Variants in TSGA10 observed in about 807,000 individuals in gnomAD.
TSGA10 encodes testis-specific gene 10 protein.
Under a neutral mutation model 96.6 loss-of-function variants are expected in TSGA10, and 43 were observed. The ratio of observed to expected loss-of-function variants is 0.44; its 90% CI spans 0.35 to 0.57. The LOEUF is 0.57. Among genes scored for constraint, TSGA10 ranks in the 20% least tolerant of loss-of-function variants. The pLI is 0.01. For synonymous variants in TSGA10, 229 were observed against 269.9 expected, an observed-to-expected ratio of 0.85 and a Z score of 1.48; for missense variants, 703 against 834.4, an observed-to-expected ratio of 0.84 and a Z score of 1.94.
In TSGA10 at chr2:99,118,600, AG is replaced by A; in HGVS notation, c.-406del. 1.0e-6 allele frequency: 1 copy of A among 984,394 alleles called. No homozygotes were observed. Among genetic ancestry groups the A allele is most frequent in the Non-Finnish European group, 1.2e-6 (1 of 829,142 alleles). 61.0% of individuals were successfully genotyped at this position (984,394 alleles called of 1,614,324 possible). The stretch of plus-strand genomic sequence containing the variant: ...ATCAAGTATTTGCTGCCTAATGTGG[AG>A]GAACACAGCTTTCCTTCCCAGCCCA... On this transcript the variant is annotated 5_prime_UTR_variant, in exon 3 of 21. Transcript: ENST00000393483.
chr2:99,047,779 T>G (rs1324514967), intron 16 of TSGA10, among the ~76,000 whole-genome samples: 1 of 152,188 alleles, frequency 6.6e-6, no homozygotes, highest in African/African-American at 2.4e-5. Context: ...GGAAGTCAAA[T>G]TGTCCCTGTT....
chr2:99,147,322 A>C, intron 1 of TSGA10: 1 of 780,752 alleles, frequency 1.3e-6, no homozygotes, highest in Admixed American at 2.1e-5. Flanking sequence ...CTTAATATCT[A>C]GTAAAGAAAG....
intron 17 of TSGA10, among the ~76,000 whole-genome samples, chr2:99,034,527 A>G (rs2081440448): frequency 6.6e-6 from 1 of 152,102 alleles, no homozygotes; most frequent in Admixed American, 6.6e-5. Context: ...TTCGGGCTCT[A>G]TCTCTCCAGC....
At chr2:99,020,138 C>G in intron 18 of TSGA10, 142 bp downstream of exon 18, 1 of 627,984 alleles carries the variant, frequency 1.6e-6, no homozygotes, top group Non-Finnish European at 2.8e-6. Flanking sequence ...AGAAAAAGTA[C>G]CACCTCTTAG....
At chr2:99,139,102 T>C (rs560431250) in intron 1 of TSGA10, among the ~76,000 whole-genome samples, 2 of 152,020 alleles carry the variant, frequency 1.3e-5, no homozygotes, top group African/African-American at 2.4e-5. Context: ...TCTACAAAAA[T>C]TAAAAAATAA....
At chr2:99,061,402 C>G (rs1007783128) in intron 16 of TSGA10, among the ~76,000 whole-genome samples, 1 of 152,120 alleles carries the variant, frequency 6.6e-6, no homozygotes, top group South Asian at 2.1e-4. Flanking sequence ...ACAGTGCAAG[C>G]GGGAGTGTAA....
At chr2:99,077,983 C>T (rs1218043030) in intron 12 of TSGA10, among the ~76,000 whole-genome samples, 1 of 151,796 alleles carries the variant, frequency 6.6e-6, no homozygotes, top group Non-Finnish European at 1.5e-5. Context: ...TAAAAATGTG[C>T]TCCTAGGGCA....
At chr2:99,109,016 ATC>A (rs1553484666) in intron 6 of TSGA10, 25 bp from the exon 7 acceptor site, 1 of 1,504,158 alleles carries the variant, frequency 6.6e-7, no homozygotes. Flanking sequence ...GGAATTTGAA[ATC>A]TTCTTTGATA....
chr2:99,077,396 A>AT (rs974481980), intron 12 of TSGA10, among the ~76,000 whole-genome samples: 38 of 152,172 alleles, frequency 2.5e-4, no homozygotes, highest in African/African-American at 8.9e-4. Context: ...AAATTAATGA[A>AT]TGAGTTACCT....
Position 99,136,525 on chromosome 2 carries a change from C to T in TSGA10, c.-620-9349G>A, listed in dbSNP as rs1185932010. Reference sequence around the variant, plus strand: ...ACAAAAAAAGTATTTCTGCCGGGCGCGGTGGCTCACGCCTGTAATCCCAGC... The same window carrying T: ...ACAAAAAAAGTATTTCTGCCGGGCGTGGTGGCTCACGCCTGTAATCCCAGC... On this transcript the variant is annotated intron_variant, in intron 1 of 20. Coordinates refer to ENST00000393483, the MANE Select transcript of TSGA10 (RefSeq NM_025244.4). 2.1e-5 allele frequency among the ~76,000 whole-genome samples: 2 copies of T among 93,432 alleles called. 1 individual carries two copies. The highest frequency in any genetic ancestry group is 5.2e-5 in the Non-Finnish European group (2 of 38,230). 61.3% of individuals were successfully genotyped at this position (93,432 alleles called of 152,430 possible).
chr2:99,132,880 C>G (rs2093159049), intron 1 of TSGA10, among the ~76,000 whole-genome samples: 1 of 152,138 alleles, frequency 6.6e-6, no homozygotes, highest in Admixed American at 6.6e-5. Flanking sequence ...CATTCAGGAG[C>G]AGTTTCTATA....
chr2:99,152,431 A>G (rs1462162839), intron 1 of TSGA10, among the ~76,000 whole-genome samples: 1 of 152,174 alleles, frequency 6.6e-6, no homozygotes, highest in Non-Finnish European at 1.5e-5. Flanking sequence ...GATTACAGGC[A>G]TGTGCCACCA....
intron 16 of TSGA10, among the ~76,000 whole-genome samples, chr2:99,052,670 G>A (rs1163292382): frequency 6.6e-6 from 1 of 151,644 alleles, no homozygotes; most frequent in East Asian, 1.9e-4. Context: ...CCCAGGAGGC[G>A]GAGCTTGCAG....
At position 99,141,324 on chromosome 2, in the gene TSGA10, C is replaced by T. The variant is rs2093543545; in HGVS notation, c.-621+13369G>A. ...TAGCGCCAGCCAGTGCCGCCGTGGC[C>T]CCGCCCTCACGCTCTGTACCGGAGT... On this transcript the variant is annotated intron_variant, in intron 1 of 20. Transcript: ENST00000393483. 4.5e-5 allele frequency: 14 copies of T among 313,430 alleles called. 1 individual carries two copies. The highest frequency in any genetic ancestry group is 3.4e-4 in the South Asian group (13 of 38,520). The allele number at this position is 313,430 out of a possible 1,614,324, so 19.4% of individuals were successfully genotyped here. A position where few individuals can be genotyped will look rare whatever the true frequency, so the allele number is the denominator to read the frequency against.
chr2:99,115,487 C>A (rs891837304), intron 4 of TSGA10, among the ~76,000 whole-genome samples: 1 of 151,882 alleles, frequency 6.6e-6, no homozygotes, highest in Admixed American at 6.6e-5. Context: ...AAAAACAAAT[C>A]ATTCTTATCT....
In TSGA10 at chr2:98,998,081, TA is replaced by T; in HGVS notation, c.*115del. ...CAGAGATTCAGAGACACAAAGTTAATAAATACATTTAACATTGCCAAGCATT... is the reference window on the plus strand; with the variant it reads ...CAGAGATTCAGAGACACAAAGTTAATAATACATTTAACATTGCCAAGCATT... On this transcript the variant is annotated 3_prime_UTR_variant, in exon 21 of 21. Transcript: ENST00000393483. 2.2e-6 allele frequency: 2 copies of T among 897,268 alleles called. No individual in the cohort carries two copies. The highest frequency in any genetic ancestry group is 3.3e-5 in the South Asian group (2 of 59,988). 55.6% of individuals were successfully genotyped at this position (897,268 alleles called of 1,614,324 possible). A position where few individuals can be genotyped will look rare whatever the true frequency, so the allele number is the denominator to read the frequency against.
intron 1 of TSGA10, among the ~76,000 whole-genome samples, chr2:99,145,676 C>T (rs1239988942): frequency 1.3e-5 from 2 of 152,288 alleles, no homozygotes; most frequent in South Asian, 2.1e-4. Context: ...TGCCACATAA[C>T]ATAACATAGT....
intron 16 of TSGA10, among the ~76,000 whole-genome samples, chr2:99,052,330 A>G (rs1037897727): frequency 6.6e-6 from 1 of 152,138 alleles, no homozygotes; most frequent in East Asian, 1.9e-4. Flanking sequence ...ACTACTGTGA[A>G]CAATTATATG....
chr2:99,137,275 G>A (rs1404985525), intron 1 of TSGA10, among the ~76,000 whole-genome samples: 2 of 152,194 alleles, frequency 1.3e-5, no homozygotes, highest in African/African-American at 2.4e-5. Flanking sequence ...GATTACAGGC[G>A]TGAGCCACTG....
Sources: gnomAD v4.1 joint callset for allele counts (sites outside exome capture counted in the v4.1 genomes callset) on GRCh38, gnomAD v4.1.1 for gene constraint, MANE v1.5 for transcripts, NCBI Gene and HGNC (gene_info 2026-07-23, HGNC 2026-07-21) for gene names.